Variants in PTPRZ1 observed in about 807,000 individuals in gnomAD.
PTPRZ1 encodes receptor-type tyrosine-protein phosphatase zeta.
In PTPRZ1, 82 loss-of-function variants were observed where a neutral mutation model predicts 214.1. That is an observed-to-expected ratio of 0.38 (90% CI 0.32 to 0.46). The LOEUF (loss-of-function observed/expected upper bound fraction) is 0.46, where lower values mean the gene tolerates loss of function less well. PTPRZ1 is among the 20% of genes least tolerant of loss of function. PTPRZ1 has a pLI of 1.00. For synonymous variants in PTPRZ1, 945 were observed against 987.9 expected (o/e 0.96, Z 0.81); for missense variants, 2,603 against 2,748.7 (o/e 0.95, Z 1.19).
chr7:122,028,780 T>C (rs1799283809), intron 14 of PTPRZ1, 137 bp downstream of exon 14: 1 of 623,906 alleles, frequency 1.6e-6, no homozygotes, highest in African/African-American at 1.9e-5. Flanking sequence ...GCCCCAAATA[T>C]TTATTACATT....
chr7:121,959,664 C>A (rs76015369), intron 2 of PTPRZ1, among the ~76,000 whole-genome samples: 2,963 of 152,250 alleles, frequency 0.019, 87 homozygotes, highest in African/African-American at 0.068. Flanking sequence ...CTAACTCTTG[C>A]ATCTAAAAAG....
At chr7:121,897,283 G>A (rs970379926) in intron 1 of PTPRZ1, among the ~76,000 whole-genome samples, 1 of 151,984 alleles carries the variant, frequency 6.6e-6, no homozygotes, top group African/African-American at 2.4e-5. Flanking sequence ...CAGTGATAAC[G>A]GGCTTTACTC....
chr7:122,021,439 T>C (rs191098342), intron 13 of PTPRZ1, among the ~76,000 whole-genome samples: 137 of 152,170 alleles, frequency 9.0e-4, no homozygotes, highest in African/African-American at 2.6e-3. Context: ...GTAAAATATA[T>C]ATGAGTATTT....
At chr7:122,042,878 C>CTCATA in intron 22 of PTPRZ1, 135 bp downstream of exon 22, 1 of 925,580 alleles carries the variant, frequency 1.1e-6, no homozygotes, top group South Asian at 1.7e-5. Flanking sequence ...AGTTTATTGT[C>CTCATA]TCATAGTTCT....
chr7:121,908,388 T>G, intron 1 of PTPRZ1: 1 of 357,908 alleles, frequency 2.8e-6, no homozygotes, highest in Non-Finnish European at 5.3e-6. Context: ...CTATACATCA[T>G]CTGTATTTCT....
At position 122,023,714 on chromosome 7, in the gene PTPRZ1, TTA is replaced by T. The variant is rs1240655422; in HGVS notation, c.4988+4454_4988+4455del. The stretch of plus-strand genomic sequence containing the variant: ...ATTATATGTATAATTTTATATATAA[TTA>T]TATATATTATATGTATAATTTTATA... On this transcript the variant is annotated intron_variant, in intron 13 of 29. Coordinates refer to ENST00000393386, the MANE Select transcript of PTPRZ1 (RefSeq NM_002851.3). Among the ~76,000 whole-genome samples, 427 of 130,764 alleles carry T rather than the reference TTA, an allele frequency of 3.3e-3. 5 individuals carry two copies. The highest frequency in any genetic ancestry group is 0.011 in the African/African-American group (395 of 34,706). 85.8% of individuals were successfully genotyped at this position (130,764 alleles called of 152,430 possible).
At chr7:121,948,042 G>A (rs1046353466) in intron 2 of PTPRZ1, among the ~76,000 whole-genome samples, 5 of 152,046 alleles carry the variant, frequency 3.3e-5, no homozygotes, top group African/African-American at 1.2e-4. Context: ...CTGAAAATGT[G>A]AATTCATTTA....
At chr7:121,919,221 C>A (rs1795519502) in intron 1 of PTPRZ1, among the ~76,000 whole-genome samples, 1 of 152,002 alleles carries the variant, frequency 6.6e-6, no homozygotes. Flanking sequence ...AAACCTTTGA[C>A]AACTGGTTAG....
chr7:122,037,806 G>A (rs1198168953), intron 18 of PTPRZ1, among the ~76,000 whole-genome samples: 1 of 152,074 alleles, frequency 6.6e-6, no homozygotes, highest in Non-Finnish European at 1.5e-5. Context: ...CTGAGCTTTA[G>A]GTTCCTCATC....
At chr7:122,016,851 T>G (rs1393110216) in intron 12 of PTPRZ1, among the ~76,000 whole-genome samples, 1 of 152,090 alleles carries the variant, frequency 6.6e-6, no homozygotes, top group African/African-American at 2.4e-5. Flanking sequence ...ACTTCGTACA[T>G]ATATTAATCT....
At chr7:121,985,372 C>T (rs138178639) in intron 8 of PTPRZ1, among the ~76,000 whole-genome samples, 1 of 152,196 alleles carries the variant, frequency 6.6e-6, no homozygotes, top group East Asian at 1.9e-4. Context: ...ACAGTTTTAT[C>T]AATTCTGTTT....
intron 15 of PTPRZ1, chr7:122,033,760 T>G (rs1799455830): frequency 7.6e-6 from 2 of 263,682 alleles, no homozygotes; most frequent in Non-Finnish European, 1.4e-5. Context: ...AAAATAAAAT[T>G]TGGATATTAG....
intron 1 of PTPRZ1, among the ~76,000 whole-genome samples, chr7:121,924,995 G>C (rs1403790563): frequency 2.0e-5 from 3 of 152,136 alleles, no homozygotes; most frequent in Non-Finnish European, 4.4e-5. Context: ...ATGCTATAGA[G>C]GCTCCTGCTG....
rs1266278599 is a variant in PTPRZ1 at position 121,983,648 on chromosome 7, A to G, written c.620-17A>G. Reference sequence around the variant, plus strand: ...AGTGTTGAGATTCCAGCTGAGATGTATATTATTCCTTTTTAGGGAAGCAGG... The same window carrying G: ...AGTGTTGAGATTCCAGCTGAGATGTGTATTATTCCTTTTTAGGGAAGCAGG... On this transcript the variant is annotated splice_polypyrimidine_tract_variant and intron_variant, in intron 6 of 29. Coordinates refer to ENST00000393386, the MANE Select transcript of PTPRZ1 (RefSeq NM_002851.3). The G allele has an allele frequency of 1.2e-6, 2 of 1,603,176 alleles. No individual in the cohort carries two copies. Among genetic ancestry groups the G allele is most frequent in the Non-Finnish European group, 8.5e-7 (1 of 1,174,562 alleles).
chr7:122,041,274 G>A (rs1799723914), intron 21 of PTPRZ1, among the ~76,000 whole-genome samples: 2 of 152,076 alleles, frequency 1.3e-5, no homozygotes, highest in Non-Finnish European at 2.9e-5. Context: ...TGTTTTTGTT[G>A]TTAAACAAAT....
chr7:122,035,767 G>A lies in PTPRZ1; in HGVS notation c.5285-833G>A, dbSNP rs559544208. Among the ~76,000 whole-genome samples the A allele has an allele frequency of 9.2e-5, 14 of 152,280 alleles. 1 individual carries two copies. The East Asian group carries it at 2.3e-3, about 25-fold the overall frequency. On this transcript the variant is annotated intron_variant, in intron 17 of 29. Coordinates refer to ENST00000393386, the MANE Select transcript of PTPRZ1 (RefSeq NM_002851.3). ...TCTTTAACTTGTTTTGGTTTGGTCT[G>A]TATTCACTTCTTCATCCTTGAAAAG...
At chr7:122,024,459 A>T (rs1344410162) in intron 13 of PTPRZ1, among the ~76,000 whole-genome samples, 2 of 152,076 alleles carry the variant, frequency 1.3e-5, no homozygotes, top group African/African-American at 4.8e-5. Context: ...GAAGATGTCT[A>T]CTAACCCAGA....
chr7:121,943,871 A>G (rs1359494831), intron 2 of PTPRZ1, among the ~76,000 whole-genome samples: 1 of 152,208 alleles, frequency 6.6e-6, no homozygotes, highest in Non-Finnish European at 1.5e-5. Context: ...AGCTTATGTT[A>G]TCTTAATTTG....
chr7:121,976,766 T>C lies in PTPRZ1; in HGVS notation c.553-19T>C, dbSNP rs1797450725. The stretch of plus-strand genomic sequence containing the variant: ...CAAATGTTTTATTCTTTTTTTAGAA[T>C]GTGATTCTTTTTTAACAGGTTGGGA... On this transcript the variant is annotated intron_variant, in intron 5 of 29. Coordinates refer to ENST00000393386, the MANE Select transcript of PTPRZ1 (RefSeq NM_002851.3). 2 of 1,561,416 alleles carry C rather than the reference T, an allele frequency of 1.3e-6. No homozygotes were observed. The highest frequency in any genetic ancestry group is 2.7e-5 in the African/African-American group (2 of 73,406).
Sources: allele counts gnomAD v4.1 joint callset (sites outside exome capture counted in the v4.1 genomes callset), GRCh38; gene constraint gnomAD v4.1.1; transcripts MANE v1.5; gene names NCBI Gene and HGNC (gene_info 2026-07-23, HGNC 2026-07-21).